The following LIN9 variants were observed in gnomAD, a reference collection of about 807,000 sequenced individuals.
LIN9 encodes protein lin-9 homolog.
A neutral mutation model predicts 78.0 loss-of-function variants in LIN9; 18 were observed. That is an observed-to-expected ratio of 0.23 (90% CI 0.16 to 0.34). LIN9 has a LOEUF of 0.34. LIN9 is among the 10% of genes least tolerant of loss of function. The probability of loss-of-function intolerance (pLI) is 1.00; values close to 1 mark genes in which losing one functional copy is unlikely to be tolerated. For missense variants in LIN9, 451 were observed against 644.1 expected, an observed-to-expected ratio of 0.70 and a Z score of 3.25; for synonymous variants, 192 against 215.2, an observed-to-expected ratio of 0.89 and a Z score of 0.94.
At chr1:226,308,993 G>T in intron 1 of LIN9, 116 bp downstream of exon 1, 9 of 1,054,352 alleles carry the variant, frequency 8.5e-6, no homozygotes, top group Non-Finnish European at 1.1e-5. Flanking sequence ...GACCACAGTG[G>T]GGCTGGCAGT....
At chr1:226,277,420 T>C (rs191276087) in intron 7 of LIN9, among the ~76,000 whole-genome samples, 1 of 152,286 alleles carries the variant, frequency 6.6e-6, no homozygotes, top group Admixed American at 6.5e-5. Context: ...TGCACAGAGC[T>C]ACAGTTTAAG....
rs1232870582 is a variant in LIN9, at chr1:226,254,784, G to T, written c.1039-3865C>A. On this transcript the variant is annotated intron_variant, in intron 10 of 14. Transcript: ENST00000681046. ...AAATTAGCCGGGCGTAGTGGAGGGT[G>T]ACTGTAGTCCCAGCTACTCGGGAGG... 2.0e-5 allele frequency among the ~76,000 whole-genome samples: 3 copies of T among 151,920 alleles called. No homozygotes were observed. In the South Asian group the frequency reaches 6.2e-4, roughly 32 times the overall value.
Position 226,232,623 on chromosome 1 carries a change from C to A in LIN9, c.1524-17G>T. 6.8e-7 allele frequency: 1 copy of A among 1,469,942 alleles called. No homozygotes were observed. The highest frequency in any genetic ancestry group is 1.2e-5 in the South Asian group (1 of 80,442). 91.1% of individuals were successfully genotyped at this position (1,469,942 alleles called of 1,614,324 possible). A position where few individuals can be genotyped will look rare whatever the true frequency, so the allele number is the denominator to read the frequency against. On this transcript the variant is annotated splice_polypyrimidine_tract_variant and intron_variant, in intron 14 of 14. Coordinates refer to ENST00000681046, the MANE Select transcript of LIN9 (RefSeq NM_001366245.2). Reference sequence around the variant, plus strand: ...TGAAAGCAACTAAAGAAAGAAGAAACATGGTTAACTACTTTATTTCAAAAA... The same window carrying A: ...TGAAAGCAACTAAAGAAAGAAGAAAAATGGTTAACTACTTTATTTCAAAAA...
chr1:226,281,483 G>A (rs780121744), intron 6 of LIN9, among the ~76,000 whole-genome samples: 1 of 151,858 alleles, frequency 6.6e-6, no homozygotes, highest in Non-Finnish European at 1.5e-5. Context: ...AATTAGAAGA[G>A]AAAAATTATA....
intron 7 of LIN9, among the ~76,000 whole-genome samples, chr1:226,270,848 AAAG>A (rs1370794423): frequency 3.3e-5 from 5 of 150,214 alleles, no homozygotes; most frequent in African/African-American, 1.2e-4. Context: ...AAAAAAAAAA[AAAG>A]GTTTGTGTAT....
At chr1:226,235,723 C>CA (rs2102826741) in intron 12 of LIN9, among the ~76,000 whole-genome samples, 1 of 152,282 alleles carries the variant, frequency 6.6e-6, no homozygotes, top group South Asian at 2.1e-4. Context: ...AAGTTTATGT[C>CA]ACTCCTTTGA....
At chr1:226,274,888 T>G (rs529168940) in intron 7 of LIN9, among the ~76,000 whole-genome samples, 30 of 152,330 alleles carry the variant, frequency 2.0e-4, no homozygotes, top group African/African-American at 7.2e-4. Flanking sequence ...TATTTATATT[T>G]ACATTTAAGT....
intron 6 of LIN9, among the ~76,000 whole-genome samples, chr1:226,278,432 A>AAAAAAC (rs1412484428): frequency 6.6e-6 from 1 of 151,890 alleles, no homozygotes; most frequent in East Asian, 2.0e-4. Flanking sequence ...TCCATCTTAA[A>AAAAAAC]AAAAACAAAA....
At position 226,305,315 on chromosome 1, in the gene LIN9, GAAAAAAAAAAAAAAA is replaced by G. The variant is rs111859953; in HGVS notation, c.31+3779_31+3793del. ...GGAGACCTCGTCTCTACAAAAAAAA[GAAAAAAAAAAAAAAA>G]AAAAAAAAAAACCTTAGTTGGGCAT... On this transcript the variant is annotated intron_variant, in intron 1 of 14. Coordinates refer to ENST00000681046, the MANE Select transcript of LIN9 (RefSeq NM_001366245.2). 2.0e-3 allele frequency among the ~76,000 whole-genome samples: 153 copies of G among 77,540 alleles called. 1 individual carries two copies. Among genetic ancestry groups the G allele is most frequent in the African/African-American group, 6.8e-3 (140 of 20,440 alleles). 50.9% of individuals were successfully genotyped at this position (77,540 alleles called of 152,430 possible).
At position 226,255,016 on chromosome 1, in the gene LIN9, T is replaced by C. The variant is rs576519655; in HGVS notation, c.1039-4097A>G. ...AATTGGAAAGAATGAAAGGCAAGTA[T>C]GTAGAATCACAATTTACTGGAGCAG... On this transcript the variant is annotated intron_variant, in intron 10 of 14. Coordinates refer to ENST00000681046, the MANE Select transcript of LIN9 (RefSeq NM_001366245.2). Among the ~76,000 whole-genome samples the C allele has an allele frequency of 4.6e-5, 7 of 151,718 alleles. No individual in the cohort carries two copies. The South Asian group carries it at 1.5e-3, about 32-fold the overall frequency.
At chr1:226,309,720 G>C (rs1345487595), upstream of LIN9, 3 of 1,287,730 alleles carry the variant, frequency 2.3e-6, no homozygotes, top group Admixed American at 6.9e-5. Context: ...CGACGTCCGG[G>C]ACTCGGTCCC....
intron 1 of LIN9, among the ~76,000 whole-genome samples, chr1:226,302,319 G>A (rs554615750): frequency 2.1e-4 from 32 of 152,112 alleles, no homozygotes; most frequent in African/African-American, 5.8e-4. Flanking sequence ...CGAGGTGGGC[G>A]GATCACAAGG....
intron 10 of LIN9, among the ~76,000 whole-genome samples, chr1:226,263,786 C>T (rs536098548): frequency 1.3e-4 from 20 of 152,226 alleles, no homozygotes; most frequent in African/African-American, 3.9e-4. Context: ...AACAATATAT[C>T]ATTGGCTGGG....
At chr1:226,255,828 T>C (rs1436714566) in intron 10 of LIN9, among the ~76,000 whole-genome samples, 1 of 151,370 alleles carries the variant, frequency 6.6e-6, no homozygotes, top group Non-Finnish European at 1.5e-5. Context: ...GAACAAAGAC[T>C]GAAAAAATCA....
At chr1:226,258,578 A>G (rs373557153) in intron 10 of LIN9, among the ~76,000 whole-genome samples, 37 of 151,788 alleles carry the variant, frequency 2.4e-4, no homozygotes, top group African/African-American at 8.7e-4. Context: ...CCAGAGCAAG[A>G]AAAGGTGTCA....
At chr1:226,308,280 G>A (rs1430878313) in intron 1 of LIN9, among the ~76,000 whole-genome samples, 1 of 152,156 alleles carries the variant, frequency 6.6e-6, no homozygotes, top group Non-Finnish European at 1.5e-5. Context: ...CAACACAAGT[G>A]AGCATACATG....
intron 6 of LIN9, among the ~76,000 whole-genome samples, chr1:226,278,739 G>A (rs1354788346): frequency 6.6e-6 from 1 of 150,922 alleles, no homozygotes; most frequent in African/African-American, 2.4e-5. Context: ...CAGGGGAATC[G>A]CTTGAACCCA....
At position 226,265,505 on chromosome 1, in the gene LIN9, C is replaced by G. The variant is rs771036927; in HGVS notation, c.1038+28G>C. On this transcript the variant is annotated intron_variant, in intron 10 of 14. Transcript: ENST00000681046. The surrounding 1 kb of genome is among the most constrained non-coding windows in gnomAD (Gnocchi z 4.1). ...AAAAGGCATTGAGTTTTTAAACAAACAGCCAAGATATTCAGAACAATTCTT... is the reference window on the plus strand; with the variant it reads ...AAAAGGCATTGAGTTTTTAAACAAAGAGCCAAGATATTCAGAACAATTCTT... 1 of 1,423,586 alleles carries G rather than the reference C, an allele frequency of 7.0e-7. No individual in the cohort carries two copies. The highest frequency in any genetic ancestry group is 9.8e-7 in the Non-Finnish European group (1 of 1,016,306). The allele number at this position is 1,423,586 out of a possible 1,614,324, so 88.2% of individuals were successfully genotyped here. A position where few individuals can be genotyped will look rare whatever the true frequency, so the allele number is the denominator to read the frequency against.
chr1:226,309,010 A>G (rs1663105194), intron 1 of LIN9, 99 bp downstream of exon 1: 1 of 1,200,240 alleles, frequency 8.3e-7, no homozygotes, highest in East Asian at 3.0e-5. Context: ...CAGTCAGCCC[A>G]CCTGCCCAGC....
Sources: gnomAD v4.1 joint callset for allele counts (sites outside exome capture counted in the v4.1 genomes callset) on GRCh38, gnomAD v4.1.1 for gene constraint, Gnocchi (gnomAD v3.1) non-coding constraint, MANE v1.5 for transcripts, NCBI Gene and HGNC (gene_info 2026-07-23, HGNC 2026-07-21) for gene names.